The following FZD3 variants were observed in gnomAD, a reference collection of about 807,000 sequenced individuals.
FZD3 encodes the protein frizzled class receptor 3.
Under a neutral mutation model 60.7 loss-of-function variants are expected in FZD3, and 30 were observed. The observed-to-expected ratio is 0.49, with a 90% confidence interval of 0.37 to 0.67. The LOEUF is 0.67. Among genes scored for constraint, FZD3 ranks in the 30% least tolerant of loss-of-function variants. The pLI, the probability that FZD3 is intolerant of heterozygous loss-of-function variation, is 0.00. For missense variants in FZD3, 605 were observed against 838.7 expected (o/e 0.72, Z 3.44); for synonymous variants, 246 against 275.2 (o/e 0.89, Z 1.05).
At chr8:28,543,450 G>A (rs956425918) in intron 5 of FZD3, among the ~76,000 whole-genome samples, 5 of 151,636 alleles carry the variant, frequency 3.3e-5, no homozygotes, top group African/African-American at 9.7e-5. Context: ...GCGCAGTCTC[G>A]GCTCACTGCA....
chr8:28,511,680 G>A (rs1415171077), intron 3 of FZD3, among the ~76,000 whole-genome samples: 1 of 152,156 alleles, frequency 6.6e-6, no homozygotes, highest in African/African-American at 2.4e-5. Context: ...AAGGCGTGGT[G>A]TGGATGTTAT....
At chr8:28,523,283 T>C (rs756504061) in intron 4 of FZD3, among the ~76,000 whole-genome samples, 3 of 152,144 alleles carry the variant, frequency 2.0e-5, no homozygotes, top group Non-Finnish European at 4.4e-5. Context: ...GAGGGCTGCT[T>C]TCTGCTTCCA....
intron 3 of FZD3, among the ~76,000 whole-genome samples, chr8:28,505,794 A>G (rs536776482): frequency 2.6e-5 from 4 of 152,336 alleles, no homozygotes; most frequent in African/African-American, 9.6e-5. Flanking sequence ...AACAAGTTGG[A>G]TCTTCTTACA....
At chr8:28,526,762 A>G (rs565303869) in intron 4 of FZD3, among the ~76,000 whole-genome samples, 9 of 152,318 alleles carry the variant, frequency 5.9e-5, no homozygotes, top group African/African-American at 1.9e-4. Context: ...CTTAGAAACT[A>G]TTTGATGCAT....
At chr8:28,526,968 C>T (rs1391718525) in intron 4 of FZD3, among the ~76,000 whole-genome samples, 179 bp from the exon 5 acceptor site, 2 of 152,158 alleles carry the variant, frequency 1.3e-5, no homozygotes, top group Non-Finnish European at 1.5e-5. Context: ...GCTCAACTGT[C>T]GAAAATCTAG....
chr8:28,497,485 T>C (rs1803874211), intron 1 of FZD3, among the ~76,000 whole-genome samples: 1 of 152,196 alleles, frequency 6.6e-6, no homozygotes, highest in Admixed American at 6.5e-5. Flanking sequence ...GAGATAGTTA[T>C]TGCTAATCCT....
intron 5 of FZD3, among the ~76,000 whole-genome samples, chr8:28,549,672 G>A (rs200574663): frequency 6.6e-6 from 1 of 151,938 alleles, no homozygotes; most frequent in East Asian, 1.9e-4. Context: ...AGTGGCTTTT[G>A]GTGTTTCCAT....
intron 4 of FZD3, among the ~76,000 whole-genome samples, chr8:28,526,770 C>T (rs1019908337): frequency 6.6e-6 from 1 of 152,072 alleles, no homozygotes; most frequent in African/African-American, 2.4e-5. Flanking sequence ...CTATTTGATG[C>T]ATATAAAACA....
At chr8:28,507,310 T>A (rs1261937241) in intron 3 of FZD3, among the ~76,000 whole-genome samples, 4 of 152,236 alleles carry the variant, frequency 2.6e-5, no homozygotes, top group Non-Finnish European at 5.9e-5. Context: ...TTTATTTTGC[T>A]GATTGCATCC....
At chr8:28,541,173 C>G (rs1272732536) in intron 5 of FZD3, among the ~76,000 whole-genome samples, 3 of 152,118 alleles carry the variant, frequency 2.0e-5, no homozygotes, top group African/African-American at 7.2e-5. Context: ...TAAGGGGACA[C>G]TCCTTCTTTA....
At chr8:28,526,560 T>A (rs1804719581) in intron 4 of FZD3, among the ~76,000 whole-genome samples, 1 of 152,222 alleles carries the variant, frequency 6.6e-6, no homozygotes. Flanking sequence ...GATAGAGATC[T>A]GTATTTTTAT....
At position 28,498,719 on chromosome 8, in the gene FZD3, G is replaced by A. The variant is rs1361955172; in HGVS notation, c.-390-1214G>A. 1.4e-4 allele frequency among the ~76,000 whole-genome samples: 21 copies of A among 152,182 alleles called. No homozygotes were observed. The South Asian group carries it at 2.3e-3, about 17-fold the overall frequency. On this transcript the variant is annotated intron_variant, in intron 1 of 7. Coordinates refer to ENST00000240093, the MANE Select transcript of FZD3 (RefSeq NM_017412.4). ...CTCCTGAATAGCTGGGCCTACAGGC[G>A]CATGCCAGCTAATTTTTGTATTTTT...
At chr8:28,501,607 T>G (rs1301836908) in intron 2 of FZD3, among the ~76,000 whole-genome samples, 2 of 152,154 alleles carry the variant, frequency 1.3e-5, no homozygotes, top group Admixed American at 1.3e-4. Flanking sequence ...CAAATCAAAA[T>G]GTGATAGCTT....
Position 28,569,300 on chromosome 8 carries a change from T to C in FZD3, c.*6289T>C, listed in dbSNP as rs1482089706. On this transcript the variant is annotated 3_prime_UTR_variant, in exon 8 of 8. Coordinates refer to ENST00000240093, the MANE Select transcript of FZD3 (RefSeq NM_017412.4). ...TTTTTTAATGATTAGTAAAACTGTATTATTTTATTTTTAAAAATACAATAG... is the reference window on the plus strand; with the variant it reads ...TTTTTTAATGATTAGTAAAACTGTACTATTTTATTTTTAAAAATACAATAG... 6.6e-6 allele frequency: 1 copy of C among 152,042 alleles called. No individual in the cohort carries two copies. Among genetic ancestry groups the C allele is most frequent in the Non-Finnish European group, 1.5e-5 (1 of 67,980 alleles). The allele number at this position is 152,042 out of a possible 1,614,324, so 9.4% of individuals were successfully genotyped here. A position where few individuals can be genotyped will look rare whatever the true frequency, so the allele number is the denominator to read the frequency against.
chr8:28,504,810 T>C (rs1804093499), intron 3 of FZD3, among the ~76,000 whole-genome samples: 1 of 152,202 alleles, frequency 6.6e-6, no homozygotes, highest in African/African-American at 2.4e-5. Flanking sequence ...TGAATTTGCA[T>C]CCCTCATTGT....
rs1001749903 is a variant in FZD3, at chr8:28,504,859, G to A, written c.189+1657G>A. The stretch of plus-strand genomic sequence containing the variant: ...ATTCATTCATAGTGATAGCATGATA[G>A]GCTCTCTCTGACTTCTCAAATATGC... On this transcript the variant is annotated intron_variant, in intron 3 of 7. Transcript: ENST00000240093. Among the ~76,000 whole-genome samples the A allele has an allele frequency of 2.6e-5, 4 of 152,142 alleles. 1 individual carries two copies. Among genetic ancestry groups the A allele is most frequent in the Admixed American group, 2.6e-4 (4 of 15,272 alleles).
At chr8:28,546,153 C>G (rs1805288191) in intron 5 of FZD3, among the ~76,000 whole-genome samples, 1 of 152,212 alleles carries the variant, frequency 6.6e-6, no homozygotes, top group Non-Finnish European at 1.5e-5. Context: ...CCTAACAACA[C>G]ATCACTCAGA....
intron 7 of FZD3, among the ~76,000 whole-genome samples, chr8:28,562,532 A>C (rs1805631517): frequency 6.6e-6 from 1 of 152,338 alleles, no homozygotes; most frequent in Non-Finnish European, 1.5e-5. Context: ...TGCAGCTTCA[A>C]ATCGGTCAGC....
rs373980785 is a variant in FZD3 at position 28,551,997 on chromosome 8, G to A, written c.1553+246G>A. On this transcript the variant is annotated intron_variant, in intron 6 of 7. Transcript: ENST00000240093. ...CTGTACTAATTCAGAATACTTGAAG[G>A]AAGTCCAATCTTTGTGAAAAAAATT... Among the ~76,000 whole-genome samples the A allele has an allele frequency of 1.1e-4, 16 of 152,252 alleles. 1 individual carries two copies. In the East Asian group the frequency reaches 1.9e-3, roughly 18 times the overall value.
Sources: allele counts gnomAD v4.1 joint callset (sites outside exome capture counted in the v4.1 genomes callset), GRCh38; gene constraint gnomAD v4.1.1; transcripts MANE v1.5; gene names NCBI Gene and HGNC (gene_info 2026-07-23, HGNC 2026-07-21).